The following MECOM variants were observed in gnomAD, a reference collection of about 807,000 sequenced individuals.
MECOM encodes the protein MDS1 and EVI1 complex locus.
In MECOM, 13 loss-of-function variants were observed where a neutral mutation model predicts 116.3. That is an observed-to-expected ratio of 0.11 (90% CI 0.07 to 0.18). The LOEUF (loss-of-function observed/expected upper bound fraction) is 0.18. Ranked by LOEUF, MECOM falls within the 10% of genes least tolerant of loss-of-function variation. MECOM has a pLI of 1.00. For synonymous variants in MECOM, 528 were observed against 535.2 expected, an observed-to-expected ratio of 0.99 and a Z score of 0.19; for missense variants, 1,299 against 1,509.0, an observed-to-expected ratio of 0.86 and a Z score of 2.31.
chr3:169,442,710 T>C (rs897103991), intron 1 of MECOM, among the ~76,000 whole-genome samples: 3 of 152,186 alleles, frequency 2.0e-5, no homozygotes, highest in Admixed American at 6.5e-5. Context: ...AGTGAGGCTA[T>C]TGCAGATGAA....
chr3:169,273,955 A>T (rs950594625), intron 2 of MECOM, among the ~76,000 whole-genome samples: 2 of 128,970 alleles, frequency 1.6e-5, no homozygotes, highest in African/African-American at 6.3e-5. Context: ...TCTGTTGCCC[A>T]GGCTGGAGTG....
At chr3:169,222,317 T>C (rs971812653) in intron 2 of MECOM, among the ~76,000 whole-genome samples, 8 of 152,270 alleles carry the variant, frequency 5.3e-5, no homozygotes, top group Non-Finnish European at 1.2e-4. Context: ...AAGGTAGCTA[T>C]GGTTTCGAAA....
chr3:169,215,242 C>CTT (rs34865565), intron 2 of MECOM, among the ~76,000 whole-genome samples: 91,674 of 138,022 alleles, frequency 0.66, 30,227 homozygotes, highest in Middle Eastern at 0.82. Context: ...CTCCTCTTTC[C>CTT]TTTTTTTTTT....
intron 1 of MECOM, among the ~76,000 whole-genome samples, chr3:169,534,216 T>G (rs1759035134): frequency 6.6e-6 from 1 of 152,146 alleles, no homozygotes; most frequent in Non-Finnish European, 1.5e-5. Flanking sequence ...CCACGTAGTT[T>G]GTGGTAGAAT....
intron 1 of MECOM, among the ~76,000 whole-genome samples, chr3:169,541,600 G>T (rs1317115058): frequency 6.6e-6 from 1 of 152,222 alleles, no homozygotes; most frequent in Non-Finnish European, 1.5e-5. Flanking sequence ...TCCCTGCCAA[G>T]AGTTGGTGGC....
intron 1 of MECOM, among the ~76,000 whole-genome samples, chr3:169,381,754 T>C (rs1378202913): frequency 6.6e-6 from 1 of 152,198 alleles, no homozygotes; most frequent in Non-Finnish European, 1.5e-5. Flanking sequence ...AATCCTCAAT[T>C]GTCAATACTT....
chr3:169,232,692 TA>T (rs1221271828), intron 2 of MECOM, among the ~76,000 whole-genome samples: 1 of 152,008 alleles, frequency 6.6e-6, no homozygotes, highest in Non-Finnish European at 1.5e-5. Context: ...AGGCAGCATG[TA>T]AACTATGCTT....
At chr3:169,136,803 C>T (rs1298687637) in intron 3 of MECOM, among the ~76,000 whole-genome samples, 2 of 152,030 alleles carry the variant, frequency 1.3e-5, no homozygotes, top group Non-Finnish European at 1.5e-5. Flanking sequence ...AAGGAAAACA[C>T]ATTTACTTTT....
intron 1 of MECOM, among the ~76,000 whole-genome samples, chr3:169,594,576 G>A (rs557360569): frequency 6.6e-6 from 1 of 151,874 alleles, no homozygotes; most frequent in South Asian, 2.1e-4. Flanking sequence ...GGAATACTGG[G>A]AGAAGAGGAG....
At chr3:169,288,443 A>G in intron 2 of MECOM, among the ~76,000 whole-genome samples, 1 of 152,142 alleles carries the variant, frequency 6.6e-6, no homozygotes, top group Admixed American at 6.6e-5. Flanking sequence ...TCTACACTGG[A>G]AGGTTAAAAA....
chr3:169,495,702 C>T (rs6782346), intron 1 of MECOM, among the ~76,000 whole-genome samples: 66,700 of 151,954 alleles, frequency 0.44, 16,185 homozygotes, highest in South Asian at 0.67. Flanking sequence ...AATTTGGACA[C>T]TGGCCTCACT....
At chr3:169,300,676 T>C (rs2149712071) in intron 2 of MECOM, among the ~76,000 whole-genome samples, 1 of 152,352 alleles carries the variant, frequency 6.6e-6, no homozygotes. Context: ...TTTATTGACA[T>C]GATCTCACTT....
At chr3:169,515,925 G>A (rs150507591) in intron 1 of MECOM, among the ~76,000 whole-genome samples, 98 of 152,202 alleles carry the variant, frequency 6.4e-4, no homozygotes, top group African/African-American at 2.2e-3. Context: ...TCATCTGACT[G>A]GGGGGAAAAT....
intron 4 of MECOM, among the ~76,000 whole-genome samples, chr3:169,130,314 C>T (rs971389390): frequency 1.3e-5 from 2 of 152,158 alleles, no homozygotes; most frequent in African/African-American, 4.8e-5. Flanking sequence ...TCTAAGAACT[C>T]CTTGCTGCCG....
chr3:169,271,605 T>C (rs755414756), intron 2 of MECOM, among the ~76,000 whole-genome samples: 2 of 152,136 alleles, frequency 1.3e-5, no homozygotes, highest in Non-Finnish European at 2.9e-5. Context: ...CCGGGGCCTG[T>C]GGTGCAGTTG....
intron 2 of MECOM, among the ~76,000 whole-genome samples, chr3:169,252,800 A>G (rs141236577): frequency 1.3e-5 from 2 of 152,328 alleles, no homozygotes; most frequent in African/African-American, 4.8e-5. Flanking sequence ...AGGCTTTTGT[A>G]GACAACAGGC....
chr3:169,269,103 G>A (rs996245906), intron 2 of MECOM: 7 of 151,712 alleles, frequency 4.6e-5, no homozygotes, highest in South Asian at 2.1e-4. Flanking sequence ...CATTCCTCTC[G>A]GTGAACACAA....
At chr3:169,210,973 T>C (rs376936387) in intron 2 of MECOM, among the ~76,000 whole-genome samples, 2 of 152,192 alleles carry the variant, frequency 1.3e-5, no homozygotes, top group African/African-American at 4.8e-5. Flanking sequence ...TCAGTCTTGT[T>C]TATTCTAGTA....
chr3:169,660,778 A>C (rs1776183095), intron 1 of MECOM, among the ~76,000 whole-genome samples: 1 of 152,146 alleles, frequency 6.6e-6, no homozygotes, highest in East Asian at 1.9e-4. Flanking sequence ...GGGGGAAGGA[A>C]ATCGCGCTTT....
Sources: gnomAD v4.1 joint callset for allele counts (sites outside exome capture counted in the v4.1 genomes callset) on GRCh38, gnomAD v4.1.1 for gene constraint, MANE v1.5 for transcripts, NCBI Gene and HGNC (gene_info 2026-07-23, HGNC 2026-07-21) for gene names.